Variants in IL1RAPL2 observed in about 807,000 individuals in gnomAD.
IL1RAPL2 encodes X-linked interleukin-1 receptor accessory protein-like 2.
In IL1RAPL2, 3 loss-of-function variants were observed where a neutral mutation model predicts 44.1. That is an observed-to-expected ratio of 0.07 (90% CI 0.03 to 0.18). The LOEUF (loss-of-function observed/expected upper bound fraction) is 0.18. Among genes scored for constraint, IL1RAPL2 ranks in the 10% least tolerant of loss-of-function variants. The pLI, the probability that IL1RAPL2 is intolerant of heterozygous loss-of-function variation, is 1.00. For missense variants in IL1RAPL2, 391 were observed against 496.4 expected (o/e 0.79, Z 2.02); for synonymous variants, 181 against 178.8 (o/e 1.01, Z -0.10).
chrX:105,074,235 G>A (rs2032254230), intron 2 of IL1RAPL2, among the ~76,000 whole-genome samples: 1 of 111,743 alleles, frequency 8.9e-6, no homozygotes, highest in African/African-American at 3.3e-5. Flanking sequence ...GTAAGGAAGG[G>A]ATCCAGTTTC....
intron 2 of IL1RAPL2, among the ~76,000 whole-genome samples, chrX:104,905,898 A>G (rs1401600690): frequency 9.1e-6 from 1 of 110,353 alleles, no homozygotes; most frequent in Non-Finnish European, 1.9e-5. Context: ...CTTGGGCAGT[A>G]TGGCCATTTT....
At chrX:104,897,441 AT>A (rs1327734859) in intron 2 of IL1RAPL2, among the ~76,000 whole-genome samples, 1 of 111,988 alleles carries the variant, frequency 8.9e-6, no homozygotes. Context: ...GAAAGCTGTG[AT>A]TTTTAAAAAT....
At chrX:104,734,829 AAGG>A (rs1260716595) in intron 2 of IL1RAPL2, among the ~76,000 whole-genome samples, 1 of 112,075 alleles carries the variant, frequency 8.9e-6, no homozygotes, top group South Asian at 3.7e-4. Context: ...ACTTCATAAA[AAGG>A]AGGATATGTA....
intron 1 of IL1RAPL2, among the ~76,000 whole-genome samples, chrX:104,587,900 G>C (rs1462628864): frequency 8.9e-6 from 1 of 111,887 alleles, no homozygotes; most frequent in Non-Finnish European, 1.9e-5. Context: ...GAAGGGAGCA[G>C]GATTGCTTAG....
At chrX:105,589,985 A>G in intron 6 of IL1RAPL2, among the ~76,000 whole-genome samples, 1 of 112,086 alleles carries the variant, frequency 8.9e-6, no homozygotes, top group East Asian at 2.8e-4. Flanking sequence ...CACTTTAACA[A>G]TATTGATTAT....
chrX:104,901,377 A>AT (rs1307732120), intron 2 of IL1RAPL2, among the ~76,000 whole-genome samples: 2 of 106,494 alleles, frequency 1.9e-5, no homozygotes, highest in East Asian at 3.0e-4. Flanking sequence ...CGCCTGGCTA[A>AT]TTTTTTTGTA....
intron 2 of IL1RAPL2, among the ~76,000 whole-genome samples, chrX:105,012,674 C>CAGAGAGAGAG (rs59693765): frequency 3.7e-5 from 3 of 81,272 alleles, no homozygotes; most frequent in Middle Eastern, 5.5e-3. Flanking sequence ...CACACACACA[C>CAGAGAGAGAG]AGAGAGAGAG....
chrX:105,075,065 C>A (rs768135951), intron 2 of IL1RAPL2, among the ~76,000 whole-genome samples: 2 of 111,361 alleles, frequency 1.8e-5, no homozygotes, highest in African/African-American at 3.3e-5. Flanking sequence ...CTGGCCAGAC[C>A]TTCCAACACT....
chrX:105,324,216 A>G (rs1265451434), intron 5 of IL1RAPL2, among the ~76,000 whole-genome samples: 2 of 110,860 alleles, frequency 1.8e-5, no homozygotes, highest in South Asian at 3.9e-4. Flanking sequence ...TGAAATTTGC[A>G]GTGTGTGAAT....
intron 2 of IL1RAPL2, among the ~76,000 whole-genome samples, chrX:104,695,299 C>A (rs1204176141): frequency 9.0e-6 from 1 of 110,936 alleles, no homozygotes; most frequent in Non-Finnish European, 1.9e-5. Context: ...TAATTTCTCT[C>A]TAAAGTCCAG....
chrX:104,853,177 C>A (rs1335189219), intron 2 of IL1RAPL2, among the ~76,000 whole-genome samples: 1 of 112,017 alleles, frequency 8.9e-6, no homozygotes, highest in Non-Finnish European at 1.9e-5. Context: ...GGGAATTGAT[C>A]ATTATATTCA....
chrX:104,760,606 T>C (rs1359449049), intron 2 of IL1RAPL2, among the ~76,000 whole-genome samples: 1 of 112,319 alleles, frequency 8.9e-6, no homozygotes, highest in Admixed American at 9.4e-5. Flanking sequence ...TATTCAAATA[T>C]TTTACCCATC....
At chrX:104,993,241 A>G (rs1415605335) in intron 2 of IL1RAPL2, among the ~76,000 whole-genome samples, 1 of 111,782 alleles carries the variant, frequency 8.9e-6, no homozygotes, top group East Asian at 2.8e-4. Flanking sequence ...GTCTGATATT[A>G]ATTGTCTCTA....
At chrX:105,127,934 C>T (rs1373727395) in intron 2 of IL1RAPL2, among the ~76,000 whole-genome samples, 2 of 111,011 alleles carry the variant, frequency 1.8e-5, no homozygotes, top group African/African-American at 6.5e-5. Flanking sequence ...TCAGTTTAAT[C>T]TCCTAGACTT....
At chrX:105,502,931 A>G (rs1029063298) in intron 6 of IL1RAPL2, among the ~76,000 whole-genome samples, 1 of 110,389 alleles carries the variant, frequency 9.1e-6, no homozygotes, top group African/African-American at 3.3e-5. Flanking sequence ...ACCTGATTTA[A>G]AGGCTTTTAA....
intron 2 of IL1RAPL2, among the ~76,000 whole-genome samples, chrX:104,848,409 GTATATATATA>G (rs35503754): frequency 0.028 from 1,807 of 64,837 alleles, 51 homozygotes; most frequent in African/African-American, 0.08. Flanking sequence ...ATTTTTATCT[GTATATATATA>G]TATATATATA....
intron 2 of IL1RAPL2, among the ~76,000 whole-genome samples, chrX:104,713,291 T>C (rs963683224): frequency 1.8e-5 from 2 of 110,715 alleles, no homozygotes; most frequent in African/African-American, 6.6e-5. Flanking sequence ...TACCTACTTC[T>C]GTCAATATTT....
At chrX:105,431,883 ATGTTGG>A (rs1184900677) in intron 5 of IL1RAPL2, among the ~76,000 whole-genome samples, 1 of 111,316 alleles carries the variant, frequency 9.0e-6, no homozygotes, top group East Asian at 2.9e-4. Flanking sequence ...TGGAACAGAA[ATGTTGG>A]TGCAAAGGGG....
At chrX:105,332,210 G>A (rs1423479957) in intron 5 of IL1RAPL2, among the ~76,000 whole-genome samples, 2 of 110,318 alleles carry the variant, frequency 1.8e-5, no homozygotes, top group Non-Finnish European at 3.8e-5. Flanking sequence ...TAATACAGAT[G>A]CTCATAAATA....
Sources: allele counts gnomAD v4.1 joint callset (sites outside exome capture counted in the v4.1 genomes callset), GRCh38; gene constraint gnomAD v4.1.1; transcripts MANE v1.5; gene names NCBI Gene and HGNC (gene_info 2026-07-23, HGNC 2026-07-21).